The following NR5A2 variants were observed in gnomAD, a reference collection of about 807,000 sequenced individuals.
NR5A2 encodes nuclear receptor subfamily 5 group A member 2.
NR5A2 carries 26 observed loss-of-function variants against 62.7 expected under a neutral mutation model. The observed-to-expected ratio is 0.41, with a 90% CI of 0.30 to 0.58. The LOEUF is 0.58. Among genes scored for constraint, NR5A2 ranks in the 20% least tolerant of loss-of-function variants. The pLI is 0.22. For missense variants in NR5A2, 541 were observed against 669.1 expected (o/e 0.81, Z 2.11); for synonymous variants, 246 against 241.7 (o/e 1.02, Z -0.16).
rs1215224324 is a variant in NR5A2, at chr1:200,133,526, T to TAC, written c.1378+12579_1378+12580dup. Among the ~76,000 whole-genome samples the TAC allele has an allele frequency of 3.5e-3, 304 of 87,408 alleles. 1 individual carries two copies. Among genetic ancestry groups the TAC allele is most frequent in the African/African-American group, 0.011 (236 of 20,592 alleles). The allele number at this position is 87,408 out of a possible 152,430, so 57.3% of individuals were successfully genotyped here. A position where few individuals can be genotyped will look rare whatever the true frequency, so the allele number is the denominator to read the frequency against. Reference sequence around the variant, plus strand: ...TGGACTATATATATATATATATATATACACACACATATATATATATACACA... The same window carrying TAC: ...TGGACTATATATATATATATATATATACACACACACATATATATATATACACA... On this transcript the variant is annotated intron_variant, in intron 7 of 7. Transcript: ENST00000367362.
intron 5 of NR5A2, among the ~76,000 whole-genome samples, chr1:200,084,885 A>G (rs546292272): frequency 2.0e-5 from 3 of 152,360 alleles, no homozygotes; most frequent in Non-Finnish European, 4.4e-5. Flanking sequence ...TCCAGCCACT[A>G]AATAATGCTA....
At chr1:200,164,862 G>A (rs1653819254) in intron 7 of NR5A2, among the ~76,000 whole-genome samples, 1 of 129,114 alleles carries the variant, frequency 7.7e-6, no homozygotes, top group Non-Finnish European at 1.6e-5. Flanking sequence ...TTATTTTTTA[G>A]AGCAGTTTTT....
At chr1:200,072,899 T>G (rs1663805645) in intron 5 of NR5A2, among the ~76,000 whole-genome samples, 1 of 152,010 alleles carries the variant, frequency 6.6e-6, no homozygotes, top group Non-Finnish European at 1.5e-5. Flanking sequence ...ATTTAGAGGG[T>G]TAATTGATTT....
intron 5 of NR5A2, chr1:200,054,246 C>T (rs1371053548): frequency 6.6e-6 from 1 of 152,304 alleles, no homozygotes; most frequent in Admixed American, 6.5e-5. Context: ...GTTGAGTGAC[C>T]TATGCTCTTG....
intron 5 of NR5A2, among the ~76,000 whole-genome samples, chr1:200,062,871 C>A (rs1238215264): frequency 6.6e-6 from 1 of 152,098 alleles, no homozygotes; most frequent in Non-Finnish European, 1.5e-5. Flanking sequence ...GATTCTTACT[C>A]CAGCTTTGGA....
intron 7 of NR5A2, among the ~76,000 whole-genome samples, chr1:200,127,548 G>A (rs1010433734): frequency 2.0e-5 from 3 of 150,784 alleles, no homozygotes; most frequent in Non-Finnish European, 4.4e-5. Flanking sequence ...GTGGTGGTGG[G>A]CACCTGTAAT....
chr1:200,047,902 C>T (rs1411580784), intron 4 of NR5A2, among the ~76,000 whole-genome samples: 4 of 152,082 alleles, frequency 2.6e-5, no homozygotes, highest in Non-Finnish European at 5.9e-5. Flanking sequence ...CTATGTCTAA[C>T]AAAAATTATG....
chr1:200,045,468 A>C lies in NR5A2; in HGVS notation c.347A>C (p.Asn116Thr). 1 of 1,610,516 alleles carries C rather than the reference A, an allele frequency of 6.2e-7. No homozygotes were observed. Among genetic ancestry groups the C allele is most frequent in the Non-Finnish European group, 8.5e-7 (1 of 1,178,474 alleles). Residue 116 changes from asparagine to threonine, a missense_variant, in exon 4 of 8, where the codon AAT (asparagine) becomes ACT (threonine). Around this residue, in one of 3 missense-constraint regions of NR5A2, gnomAD observed 54 missense variants for 123.8 expected, o/e 0.44. Coordinates refer to ENST00000367362, the MANE Select transcript of NR5A2 (RefSeq NM_205860.3). ...CKGFFKRTVQ[N>T]NKRYTCIENQ... ...GGATTTTTTAAGCGAACAGTCCAAA[A>C]TAATAAAAGGTACACATGTATAGAA...
intron 5 of NR5A2, among the ~76,000 whole-genome samples, chr1:200,081,437 C>G (rs1335646216): frequency 6.6e-6 from 1 of 152,134 alleles, no homozygotes; most frequent in Non-Finnish European, 1.5e-5. Flanking sequence ...CAAAGCATAC[C>G]ACATAACTGG....
intron 6 of NR5A2, among the ~76,000 whole-genome samples, chr1:200,112,778 A>T (rs190832316): frequency 6.6e-6 from 1 of 152,268 alleles, no homozygotes; most frequent in East Asian, 1.9e-4. Flanking sequence ...CTTTGGAGAA[A>T]ATGTACCCAT....
chr1:200,055,093 C>T lies in NR5A2; in HGVS notation c.1110+6275C>T, dbSNP rs554251319. ...TATTTTTTGTGGAGATGGGATCTTG[C>T]GACGTTGCCCAGGCTGGTCTGGAAC... On this transcript the variant is annotated intron_variant, in intron 5 of 7. Coordinates refer to ENST00000367362, the MANE Select transcript of NR5A2 (RefSeq NM_205860.3). Among the ~76,000 whole-genome samples the T allele has an allele frequency of 1.5e-3, 229 of 152,120 alleles. 1 individual carries two copies. Among genetic ancestry groups the T allele is most frequent in the Non-Finnish European group, 1.4e-3 (97 of 68,016 alleles).
chr1:200,132,719 G>C (rs114911996), intron 7 of NR5A2, among the ~76,000 whole-genome samples: 128 of 152,276 alleles, frequency 8.4e-4, no homozygotes, highest in African/African-American at 3.0e-3. Flanking sequence ...ATGTGCTCTT[G>C]GTTGATGTTT....
chr1:200,106,438 A>G (rs1665671042), intron 5 of NR5A2, among the ~76,000 whole-genome samples: 1 of 152,218 alleles, frequency 6.6e-6, no homozygotes, highest in South Asian at 2.1e-4. Flanking sequence ...TCATAACAAT[A>G]TGGGACTTGT....
intron 7 of NR5A2, among the ~76,000 whole-genome samples, chr1:200,137,703 C>T (rs1667287080): frequency 6.6e-6 from 1 of 151,698 alleles, no homozygotes; most frequent in Non-Finnish European, 1.5e-5. Flanking sequence ...TTAAGAATAC[C>T]AAAATAAAAG....
intron 7 of NR5A2, among the ~76,000 whole-genome samples, chr1:200,152,352 C>A (rs1303437015): frequency 3.3e-5 from 5 of 152,102 alleles, no homozygotes; most frequent in Non-Finnish European, 7.4e-5. Flanking sequence ...TAGTTATGAT[C>A]TACATAAAGG....
intron 5 of NR5A2, among the ~76,000 whole-genome samples, chr1:200,092,987 G>A (rs1159831242): frequency 2.1e-5 from 3 of 145,754 alleles, no homozygotes; most frequent in Non-Finnish European, 4.5e-5. Flanking sequence ...AGGTTCAAGC[G>A]ATTCTCCTGC....
intron 7 of NR5A2, among the ~76,000 whole-genome samples, chr1:200,155,703 T>C (rs1653345461): frequency 6.6e-6 from 1 of 151,720 alleles, no homozygotes; most frequent in Non-Finnish European, 1.5e-5. Flanking sequence ...TTGGACAGTC[T>C]CACTCTGTCA....
At chr1:200,033,861 C>G (rs1405835810) in intron 1 of NR5A2, among the ~76,000 whole-genome samples, 1 of 152,176 alleles carries the variant, frequency 6.6e-6, no homozygotes, top group Admixed American at 6.5e-5. Context: ...TTCCAAGCTC[C>G]CACTTTCTTT....
intron 7 of NR5A2, among the ~76,000 whole-genome samples, chr1:200,171,265 C>A (rs1485786007): frequency 6.6e-6 from 1 of 152,178 alleles, no homozygotes; most frequent in Admixed American, 6.5e-5. Flanking sequence ...TTCATGATAA[C>A]ATTCATCAAA....
Sources: gnomAD v4.1 joint callset for allele counts (sites outside exome capture counted in the v4.1 genomes callset) on GRCh38, gnomAD v4.1.1 for gene constraint, gnomAD v4.1.1 regional missense constraint, MANE v1.5 for transcripts, NCBI Gene and HGNC (gene_info 2026-07-23, HGNC 2026-07-21) for gene names.